CNTNAP5: variants seen among roughly 807,000 people sequenced by gnomAD.
The protein encoded by CNTNAP5 is contactin-associated protein-like 5.
In CNTNAP5, 72 loss-of-function variants were observed where a neutral mutation model predicts 150.2. That is an observed-to-expected ratio of 0.48 (90% CI 0.40 to 0.58). The LOEUF is 0.58. CNTNAP5 is among the 20% of genes least tolerant of loss of function. The probability of loss-of-function intolerance (pLI) is 0.00; values close to 1 mark genes in which losing one functional copy is unlikely to be tolerated. For missense variants in CNTNAP5, 1,636 were observed against 1,626.2 expected, an observed-to-expected ratio of 1.01 and a Z score of -0.10; for synonymous variants, 672 against 619.8, an observed-to-expected ratio of 1.08 and a Z score of -1.25.
intron 1 of CNTNAP5, among the ~76,000 whole-genome samples, chr2:124,168,192 C>G (rs934804332): frequency 6.6e-6 from 1 of 152,244 alleles, no homozygotes; most frequent in African/African-American, 2.4e-5. Context: ...TATCAGGGAA[C>G]AGAAAACTGG....
intron 5 of CNTNAP5, among the ~76,000 whole-genome samples, chr2:124,435,854 A>G (rs1692518535): frequency 6.6e-6 from 1 of 152,200 alleles, no homozygotes. Flanking sequence ...AAGAATCTCT[A>G]GATTTCAAAG....
chr2:124,731,295 C>T (rs930833185), intron 13 of CNTNAP5, among the ~76,000 whole-genome samples: 4 of 152,186 alleles, frequency 2.6e-5, no homozygotes, highest in Non-Finnish European at 5.9e-5. Context: ...AAACTTGATG[C>T]ATGTAGGTAT....
intron 13 of CNTNAP5, among the ~76,000 whole-genome samples, chr2:124,658,735 AG>A (rs1278315293): frequency 6.6e-6 from 1 of 152,242 alleles, no homozygotes; most frequent in Non-Finnish European, 1.5e-5. Context: ...GTATTACCGT[AG>A]AATATGTATG....
intron 1 of CNTNAP5, among the ~76,000 whole-genome samples, chr2:124,165,281 G>C (rs1002377958): frequency 1.3e-5 from 2 of 152,146 alleles, no homozygotes; most frequent in African/African-American, 4.8e-5. Flanking sequence ...GTAAATCTCA[G>C]AGGTCCTTTC....
At chr2:124,626,676 C>T (rs1677729418) in intron 12 of CNTNAP5, among the ~76,000 whole-genome samples, 1 of 152,082 alleles carries the variant, frequency 6.6e-6, no homozygotes, top group Non-Finnish European at 1.5e-5. Context: ...TTACATACAT[C>T]GGGGGTGCCT....
At chr2:124,263,662 A>G (rs756748342) in intron 3 of CNTNAP5, among the ~76,000 whole-genome samples, 1 of 152,032 alleles carries the variant, frequency 6.6e-6, no homozygotes, top group Non-Finnish European at 1.5e-5. Flanking sequence ...ATTAGATCCC[A>G]TTTGTCAATT....
intron 7 of CNTNAP5, 123 bp downstream of exon 7, chr2:124,475,005 C>A (rs866134504): frequency 2.8e-6 from 2 of 716,410 alleles, no homozygotes; most frequent in Non-Finnish European, 4.4e-6. Context: ...TTCCCATCAG[C>A]GTCTGACGTG....
chr2:124,454,970 G>A (rs1195427436), intron 6 of CNTNAP5, among the ~76,000 whole-genome samples: 1 of 151,748 alleles, frequency 6.6e-6, no homozygotes, highest in Non-Finnish European at 1.5e-5. Context: ...ACAATCTAAG[G>A]TCACACCTCA....
chr2:124,414,634 A>G (rs1345422810), intron 3 of CNTNAP5, among the ~76,000 whole-genome samples: 1 of 152,152 alleles, frequency 6.6e-6, no homozygotes, highest in Non-Finnish European at 1.5e-5. Context: ...ACTCCTATAA[A>G]GCATTGCCAG....
At chr2:124,903,148 T>A (rs1365898810) in intron 22 of CNTNAP5, 48 bp downstream of exon 22, 8 of 1,223,520 alleles carry the variant, frequency 6.5e-6, no homozygotes, top group Non-Finnish European at 8.8e-6. Context: ...TAGCACTACT[T>A]TTTGTGTCTT....
At chr2:124,725,492 T>C (rs983437925) in intron 13 of CNTNAP5, among the ~76,000 whole-genome samples, 3 of 143,672 alleles carry the variant, frequency 2.1e-5, no homozygotes, top group African/African-American at 7.6e-5. Context: ...CCCCCTTCCT[T>C]TCCTCTCCTC....
At chr2:124,352,748 G>A (rs1573934977) in intron 3 of CNTNAP5, among the ~76,000 whole-genome samples, 1 of 152,130 alleles carries the variant, frequency 6.6e-6, no homozygotes, top group Non-Finnish European at 1.5e-5. Context: ...CTGAACACAG[G>A]CAAAACTGTT....
intron 10 of CNTNAP5, among the ~76,000 whole-genome samples, chr2:124,561,075 C>A (rs146667227): frequency 6.6e-6 from 1 of 151,980 alleles, no homozygotes; most frequent in South Asian, 2.1e-4. Flanking sequence ...ATAATACTAT[C>A]ATTTGCTCAT....
intron 1 of CNTNAP5, among the ~76,000 whole-genome samples, chr2:124,167,567 A>G (rs924471902): frequency 6.6e-6 from 1 of 152,196 alleles, no homozygotes; most frequent in Non-Finnish European, 1.5e-5. Context: ...AACTGATTTC[A>G]CTACCGTGTA....
At chr2:124,180,633 A>G (rs1467980293) in intron 1 of CNTNAP5, among the ~76,000 whole-genome samples, 1 of 152,204 alleles carries the variant, frequency 6.6e-6, no homozygotes, top group Non-Finnish European at 1.5e-5. Flanking sequence ...GATGAGTTTT[A>G]TTATGACTCA....
At chr2:124,333,923 T>G (rs1476223708) in intron 3 of CNTNAP5, among the ~76,000 whole-genome samples, 1 of 152,188 alleles carries the variant, frequency 6.6e-6, no homozygotes, top group African/African-American at 2.4e-5. Context: ...CCAATTATCT[T>G]TAAAATTGCT....
At chr2:124,790,996 CAA>C (rs918627552) in intron 18 of CNTNAP5, among the ~76,000 whole-genome samples, 8 of 152,092 alleles carry the variant, frequency 5.3e-5, no homozygotes, top group African/African-American at 1.7e-4. Flanking sequence ...ATAATGTAAA[CAA>C]TATTTTAAGA....
At chr2:124,639,286 A>T (rs1042604760) in intron 12 of CNTNAP5, among the ~76,000 whole-genome samples, 2 of 152,228 alleles carry the variant, frequency 1.3e-5, no homozygotes, top group Non-Finnish European at 2.9e-5. Flanking sequence ...TGGAGAGGCC[A>T]CCAGCATCAC....
At chr2:124,193,879 C>T (rs1417274148) in intron 1 of CNTNAP5, among the ~76,000 whole-genome samples, 1 of 151,998 alleles carries the variant, frequency 6.6e-6, no homozygotes, top group Non-Finnish European at 1.5e-5. Context: ...ACAGGAAGTA[C>T]AAGAGGGGCT....
Sources: allele counts gnomAD v4.1 joint callset (sites outside exome capture counted in the v4.1 genomes callset), GRCh38; gene constraint gnomAD v4.1.1; transcripts MANE v1.5; gene names NCBI Gene and HGNC (gene_info 2026-07-23, HGNC 2026-07-21).